Variants in GEN1 observed in about 807,000 individuals in gnomAD.
The protein encoded by GEN1 is flap endonuclease GEN homolog 1.
A neutral mutation model predicts 67.6 loss-of-function variants in GEN1; 64 were observed. That is an observed-to-expected ratio of 0.95 (90% confidence interval 0.77 to 1.17). The LOEUF is 1.17. GEN1 is among the 50% of genes most tolerant of loss of function. The pLI is 0.00. For missense variants in GEN1, 1,058 were observed against 1,048.3 expected (o/e 1.01, Z -0.13); for synonymous variants, 371 against 359.4 (o/e 1.03, Z -0.37).
At position 17,781,642 on chromosome 2, in the gene GEN1, T is replaced by C; in HGVS notation, c.2430T>C (p.Phe810=). 1.2e-6 allele frequency: 2 copies of C among 1,614,006 alleles called. No homozygotes were observed. The highest frequency in any genetic ancestry group is 4.5e-5 in the East Asian group (2 of 44,852). The change falls in exon 14 of 14, where the codon TTT becomes TTC. Residue 810 remains phenylalanine (F), a synonymous_variant. Coordinates refer to ENST00000381254, the MANE Select transcript of GEN1 (RefSeq NM_001130009.3). ...CTGATGAACAAAGTGCCCCAGTGTT[T>C]GGGAAAGCTAAGTACACAACTCAAA... ...HSSDEQSAPV[F]GKAKYTTQRM...
In GEN1 at chr2:17,786,014, T is replaced by G. The variant is rs300179; in HGVS notation, c.*4075T>G. ...AGCCATCTTGTCAGGCATACCTAGC[T>G]TCAGATTCTTTTCTGCTAACAGATT... is the stretch of plus-strand genomic sequence containing the variant. On this transcript the variant is annotated 3_prime_UTR_variant, in exon 14 of 14. Transcript: ENST00000381254. 0.47 allele frequency: 71,402 copies of G among 152,178 alleles called. 19,090 individuals are homozygous for G. Among genetic ancestry groups the G allele is most frequent in the East Asian group, 0.92 (4,765 of 5,188 alleles). 9.4% of individuals were successfully genotyped at this position (152,178 alleles called of 1,614,324 possible). A position where few individuals can be genotyped will look rare whatever the true frequency, so the allele number is the denominator to read the frequency against.
chr2:17,757,864 CT>C (rs1671501232), intron 1 of GEN1, among the ~76,000 whole-genome samples: 1 of 152,068 alleles, frequency 6.6e-6, no homozygotes, highest in African/African-American at 2.4e-5. Context: ...TATTTTTTAA[CT>C]TTTTTCTAAT....
At chr2:17,768,502 A>T (rs1019722763) in intron 5 of GEN1, among the ~76,000 whole-genome samples, 2 of 152,192 alleles carry the variant, frequency 1.3e-5, no homozygotes, top group Non-Finnish European at 2.9e-5. Context: ...TAACTCGCTG[A>T]AATTTTTGTT....
Position 17,780,806 on chromosome 2 carries a change from C to G in GEN1, c.1594C>G (p.Pro532Ala). ...TGCCTCATTGAATAGCTTGCTTTTA[C>G]CTAAAAATACTCCATGTTTGAATGC... ...ISASLNSLLLPKNTPCLNAQE... is the reference protein window; with the variant it reads ...ISASLNSLLLAKNTPCLNAQE... The change falls in exon 14 of 14, where the codon CCT becomes GCT. Residue 532 changes from proline to alanine, a missense_variant. Coordinates refer to ENST00000381254, the MANE Select transcript of GEN1 (RefSeq NM_001130009.3). The G allele has an allele frequency of 6.2e-7, 1 of 1,613,930 alleles. No homozygotes were observed. The highest frequency in any genetic ancestry group is 1.3e-5 in the African/African-American group (1 of 75,032).
rs143659160 is a variant in GEN1, at chr2:17,766,712, A to G, written c.636+23A>G. On this transcript the variant is annotated intron_variant, in intron 5 of 13. Coordinates refer to ENST00000381254, the MANE Select transcript of GEN1 (RefSeq NM_001130009.3). Reference sequence around the variant, plus strand: ...AAGGTAAGCTGAAATTGTCATATTTATTTGCTATTCATAAAGTCTTTTTCG... The same window carrying G: ...AAGGTAAGCTGAAATTGTCATATTTGTTTGCTATTCATAAAGTCTTTTTCG... 1.4e-5 allele frequency: 18 copies of G among 1,282,196 alleles called. No individual in the cohort carries two copies. The East Asian group carries it at 3.9e-4, about 28-fold the overall frequency. 79.4% of individuals were successfully genotyped at this position (1,282,196 alleles called of 1,614,324 possible).
At chr2:17,767,223 G>T (rs774754344) in intron 5 of GEN1, among the ~76,000 whole-genome samples, 11 of 152,158 alleles carry the variant, frequency 7.2e-5, no homozygotes, top group Non-Finnish European at 1.2e-4. Context: ...TAACAAATAG[G>T]TATAACAGGT....
At chr2:17,753,609 G>A (rs1186435309), upstream of GEN1, 3 of 152,282 alleles carry the variant, frequency 2.0e-5, no homozygotes, top group African/African-American at 7.2e-5. Flanking sequence ...AAGCGACAGC[G>A]CGCGCCTTCA....
At chr2:17,761,952 A>G (rs1244324866) in intron 3 of GEN1, among the ~76,000 whole-genome samples, 9 of 152,224 alleles carry the variant, frequency 5.9e-5, no homozygotes, top group Admixed American at 1.3e-4. Context: ...AAGAAGTCCC[A>G]GAATACATGA....
At chr2:17,754,753 G>C (rs901573009) in intron 1 of GEN1, 9 of 152,194 alleles carry the variant, frequency 5.9e-5, no homozygotes, top group African/African-American at 1.7e-4. Flanking sequence ...ATATAGTTCT[G>C]TTATAGTAAT....
intron 11 of GEN1, 83 bp downstream of exon 11, chr2:17,774,484 G>T: frequency 8.3e-7 from 1 of 1,198,966 alleles, no homozygotes; most frequent in Non-Finnish European, 1.1e-6. Flanking sequence ...CTTTAAGCTC[G>T]TTTTTGTAAA....
rs1254131170 is a variant in GEN1, at chr2:17,781,925, T to C, written c.2713T>C (p.Phe905Leu). The C allele has an allele frequency of 6.5e-7, 1 of 1,545,690 alleles. No homozygotes were observed. Among genetic ancestry groups the C allele is most frequent in the Non-Finnish European group, 8.7e-7 (1 of 1,149,182 alleles). ...LPLRQRLKLRFQST is the reference protein window; with the variant it reads ...LPLRQRLKLRLQST ...TTTACGCCAGAGATTAAAACTAAGA[T>C]TCCAAAGCACTTGAAATTTAAAACA... is the stretch of plus-strand genomic sequence containing the variant. Residue 905 changes from phenylalanine to leucine, a missense_variant, in exon 14 of 14, where the codon TTC becomes CTC. Transcript: ENST00000381254.
intron 6 of GEN1, among the ~76,000 whole-genome samples, chr2:17,769,764 A>G (rs1169604518): frequency 2.6e-5 from 4 of 152,176 alleles, no homozygotes; most frequent in Non-Finnish European, 5.9e-5. Flanking sequence ...TCTCAAAAAC[A>G]CATGAATTAT....
chr2:17,778,670 T>G (rs1479326831), intron 12 of GEN1, among the ~76,000 whole-genome samples: 1 of 152,186 alleles, frequency 6.6e-6, no homozygotes, highest in East Asian at 1.9e-4. Flanking sequence ...TTTATTTATA[T>G]TTCTCAAATA....
chr2:17,755,880 A>G (rs1671411768), intron 1 of GEN1: 1 of 152,234 alleles, frequency 6.6e-6, no homozygotes, highest in African/African-American at 2.4e-5. Context: ...TTAGCTTTTA[A>G]GGAAGTTTTA....
In GEN1 at chr2:17,779,972, T is replaced by G; in HGVS notation, c.1265-6T>G. ...AGGACACTTTGCTGTATTTTTAATC[T>G]TTTAGAACATTATGCTATGGAAGAT... On this transcript the variant is annotated splice_polypyrimidine_tract_variant and splice_region_variant and intron_variant, in intron 12 of 13. Transcript: ENST00000381254. 2 of 1,595,556 alleles carry G rather than the reference T, an allele frequency of 1.3e-6. No individual in the cohort carries two copies. The highest frequency in any genetic ancestry group is 2.7e-5 in the African/African-American group (2 of 74,342).
chr2:17,773,117 A>T lies in GEN1; in HGVS notation c.975A>T (p.Gly325=), dbSNP rs745371749. ...TCAGGAAAGCTTGCTGTTGTGAGGG[A>T]TTCCCATTCCATGAGGTAATATCCA... ...NIKKKACCCE[G]FPFHEVIQEF... is the part of the protein sequence containing the mutation. Residue 325 remains glycine (G), a synonymous_variant, in exon 9 of 14, where the codon GGA becomes GGT. Transcript: ENST00000381254. 4.4e-6 allele frequency: 7 copies of T among 1,585,138 alleles called. No individual in the cohort carries two copies. In the South Asian group the frequency reaches 7.8e-5, roughly 18 times the overall value.
At chr2:17,778,102 A>G (rs1441164235) in intron 12 of GEN1, 39 bp downstream of exon 12, 2 of 1,131,578 alleles carry the variant, frequency 1.8e-6, no homozygotes, top group East Asian at 2.4e-5. Context: ...CATTTATAAT[A>G]TTTGACCATG....
In GEN1 at chr2:17,768,706, T is replaced by C. The variant is rs1465740968; in HGVS notation, c.637-32T>C. The C allele has an allele frequency of 8.1e-6, 12 of 1,482,752 alleles. No individual in the cohort carries two copies. The Admixed American group carries it at 1.2e-4, about 15-fold the overall frequency. 91.8% of individuals were successfully genotyped at this position (1,482,752 alleles called of 1,614,324 possible). On this transcript the variant is annotated intron_variant, in intron 5 of 13. Transcript: ENST00000381254. ...TTTTAACCATTCCTAGTGATTAACA[T>C]TGGAATTATTTTTTTTCCCACTTTC...
intron 2 of GEN1, 71 bp downstream of exon 2, chr2:17,760,175 CTTTT>C: frequency 7.8e-7 from 1 of 1,276,580 alleles, no homozygotes; most frequent in Non-Finnish European, 1.1e-6. Context: ...TTTGTTTCAC[CTTTT>C]TTTTTCTTTT....
Sources: allele counts gnomAD v4.1 joint callset (sites outside exome capture counted in the v4.1 genomes callset), GRCh38; gene constraint gnomAD v4.1.1; transcripts MANE v1.5; gene names NCBI Gene and HGNC (gene_info 2026-07-23, HGNC 2026-07-21).